Variants in AK9 observed in about 807,000 individuals in gnomAD.
AK9 encodes the protein adenylate kinase 9.
Under a neutral mutation model 239.6 loss-of-function variants are expected in AK9, and 191 were observed. That is an observed-to-expected ratio of 0.80 (90% CI 0.71 to 0.90). The LOEUF is 0.90. AK9 is among the 40% of genes least tolerant of loss of function. AK9 has a pLI of 0.00. For synonymous variants in AK9, 689 were observed against 721.0 expected, an observed-to-expected ratio of 0.96 and a Z score of 0.71; for missense variants, 1,995 against 2,214.7, an observed-to-expected ratio of 0.90 and a Z score of 1.99.
intron 27 of AK9, among the ~76,000 whole-genome samples, chr6:109,541,077 C>T (rs11963483): frequency 0.036 from 5,434 of 152,268 alleles, 321 homozygotes; most frequent in African/African-American, 0.13. Context: ...CTGGCATGTC[C>T]TCCTCTGTAC....
intron 38 of AK9, among the ~76,000 whole-genome samples, chr6:109,496,881 A>G (rs939651103): frequency 5.3e-5 from 8 of 152,048 alleles, no homozygotes; most frequent in Non-Finnish European, 1.2e-4. Context: ...CAATCAGTCA[A>G]TGTGCTCAGA....
intron 8 of AK9, among the ~76,000 whole-genome samples, chr6:109,649,645 A>G (rs1286813904): frequency 1.3e-5 from 2 of 152,192 alleles, no homozygotes; most frequent in African/African-American, 4.8e-5. Flanking sequence ...ATATCGTGAA[A>G]ATGGCCATAC....
chr6:109,666,264 G>A (rs1017302984), intron 5 of AK9, among the ~76,000 whole-genome samples: 1 of 152,172 alleles, frequency 6.6e-6, no homozygotes, highest in Non-Finnish European at 1.5e-5. Flanking sequence ...GAATAGATTA[G>A]TCCTCTAGTC....
rs184676470 is a variant in AK9, at chr6:109,556,328, T to G, written c.2752-6026A>C. Among the ~76,000 whole-genome samples, 9 of 152,326 alleles carry G rather than the reference T, an allele frequency of 5.9e-5. No individual in the cohort carries two copies. The East Asian group carries it at 1.7e-3, about 29-fold the overall frequency. On this transcript the variant is annotated intron_variant, in intron 24 of 40. Transcript: ENST00000424296. The stretch of plus-strand genomic sequence containing the variant: ...TTGAAAATTCTTTAAGAATGTTGAA[T>G]ATTGGCCCCCAGTCTCTTATGGTTT...
Position 109,632,566 on chromosome 6 carries a change from G to T in AK9, c.1254+357C>A, listed in dbSNP as rs1166604021. 1.5e-5 allele frequency: 4 copies of T among 265,600 alleles called. No individual in the cohort carries two copies. In the East Asian group the frequency reaches 4.6e-4, roughly 31 times the overall value. 16.5% of individuals were successfully genotyped at this position (265,600 alleles called of 1,614,324 possible). A position where few individuals can be genotyped will look rare whatever the true frequency, so the allele number is the denominator to read the frequency against. ...AATCACCAAGAATTAGGACAGGAGT[G>T]ATTATATGGGGAGAGTGAGAGTGAG... On this transcript the variant is annotated intron_variant, in intron 12 of 40. Coordinates refer to ENST00000424296, the MANE Select transcript of AK9 (RefSeq NM_001145128.3).
intron 1 of AK9, among the ~76,000 whole-genome samples, chr6:109,679,308 T>G (rs1772259567): frequency 6.6e-6 from 1 of 151,930 alleles, no homozygotes; most frequent in African/African-American, 2.4e-5. Flanking sequence ...GAGTAGGTGA[T>G]TTTCCCCTCA....
At chr6:109,538,972 C>T (rs967431798) in intron 27 of AK9, among the ~76,000 whole-genome samples, 2 of 152,214 alleles carry the variant, frequency 1.3e-5, no homozygotes, top group African/African-American at 4.8e-5. Context: ...GCCGAGAGAT[C>T]CGCTGTTAGT....
At chr6:109,528,457 G>C (rs1474010234) in intron 29 of AK9, 3 of 422,026 alleles carry the variant, frequency 7.1e-6, no homozygotes, top group Non-Finnish European at 1.4e-5. Context: ...AATGAAAATC[G>C]AGGCAAATAA....
chr6:109,673,680 T>A (rs1297321169), intron 3 of AK9, among the ~76,000 whole-genome samples: 1 of 152,064 alleles, frequency 6.6e-6, no homozygotes, highest in African/African-American at 2.4e-5. Flanking sequence ...CATTTGAGCT[T>A]TCATAAAAAG....
intron 8 of AK9, among the ~76,000 whole-genome samples, chr6:109,647,532 G>A (rs1337192158): frequency 6.6e-6 from 1 of 152,140 alleles, no homozygotes; most frequent in Admixed American, 6.5e-5. Flanking sequence ...TCAACAATAA[G>A]AGCTAACTAT....
chr6:109,599,738 C>T (rs1377037814), intron 17 of AK9, among the ~76,000 whole-genome samples: 15 of 151,666 alleles, frequency 9.9e-5, no homozygotes, highest in Non-Finnish European at 2.2e-4. Flanking sequence ...GTTTGTATCC[C>T]CTTTTATTTC....
chr6:109,604,953 A>C (rs1792640698), intron 17 of AK9, among the ~76,000 whole-genome samples: 1 of 151,760 alleles, frequency 6.6e-6, no homozygotes, highest in South Asian at 2.1e-4. Context: ...TGGATTGTTA[A>C]AATTCTTTTG....
intron 27 of AK9, among the ~76,000 whole-genome samples, chr6:109,540,269 C>A (rs1048166066): frequency 6.6e-6 from 1 of 152,300 alleles, no homozygotes; most frequent in East Asian, 1.9e-4. Context: ...AGCTTCCTGG[C>A]CGCTTTGTTT....
chr6:109,627,907 C>T (rs79943725), intron 12 of AK9, among the ~76,000 whole-genome samples: 2,777 of 152,332 alleles, frequency 0.018, 37 homozygotes, highest in Middle Eastern at 0.041. Flanking sequence ...TCCTCAGCCT[C>T]CCAAAGTGCT....
intron 5 of AK9, among the ~76,000 whole-genome samples, chr6:109,667,602 T>A (rs1801402779): frequency 6.6e-6 from 1 of 151,682 alleles, no homozygotes. Flanking sequence ...CCTTCCTGTG[T>A]CCAAGTGTTC....
At chr6:109,678,582 TAC>T (rs906989819) in intron 1 of AK9, among the ~76,000 whole-genome samples, 3 of 152,210 alleles carry the variant, frequency 2.0e-5, no homozygotes, top group African/African-American at 7.2e-5. Context: ...CATGTAAATC[TAC>T]AGTTATCTCA....
chr6:109,655,912 ATT>A (rs1799637582), intron 8 of AK9, among the ~76,000 whole-genome samples: 8 of 152,324 alleles, frequency 5.3e-5, no homozygotes, highest in Middle Eastern at 3.4e-3. Context: ...TATGAAAGCA[ATT>A]AAGTGTGGTT....
chr6:109,516,685 G>A (rs181040894), intron 29 of AK9, 43 bp from the exon 30 acceptor site: 1 of 1,451,554 alleles, frequency 6.9e-7, no homozygotes, highest in Admixed American at 2.0e-5. Flanking sequence ...TATAAAATAT[G>A]TAACAAAAGA....
chr6:109,590,630 C>A lies in AK9; in HGVS notation c.1843-4558G>T, dbSNP rs915116167. On this transcript the variant is annotated intron_variant, in intron 17 of 40. Transcript: ENST00000424296. Reference sequence around the variant, plus strand: ...CAATGTTACATTGTTAATTTGAGATCTTTCTATCTTTTTTATGTAGGCTGT... The same window carrying A: ...CAATGTTACATTGTTAATTTGAGATATTTCTATCTTTTTTATGTAGGCTGT... Among the ~76,000 whole-genome samples the A allele has an allele frequency of 3.5e-4, 53 of 152,130 alleles. 1 individual carries two copies. The highest frequency in any genetic ancestry group is 3.2e-3 in the Admixed American group (49 of 15,280).
Sources: gnomAD v4.1 joint callset for allele counts (sites outside exome capture counted in the v4.1 genomes callset) on GRCh38, gnomAD v4.1.1 for gene constraint, MANE v1.5 for transcripts, NCBI Gene and HGNC (gene_info 2026-07-23, HGNC 2026-07-21) for gene names.